Variants in ZC3H13 observed in about 807,000 individuals in gnomAD.
ZC3H13 encodes zinc finger CCCH-type containing 13, also known as zinc finger CCCH domain-containing protein 13.
Under a neutral mutation model 204.1 loss-of-function variants are expected in ZC3H13, and 64 were observed. The ratio of observed to expected loss-of-function variants is 0.31; its 90% CI spans 0.26 to 0.39. ZC3H13 has a LOEUF of 0.39. ZC3H13 is among the 10% of genes least tolerant of loss of function. The probability of loss-of-function intolerance (pLI) is 1.00; values close to 1 mark genes in which losing one functional copy is unlikely to be tolerated. For missense variants in ZC3H13, 1,833 were observed against 2,082.7 expected (o/e 0.88, Z 2.33); for synonymous variants, 667 against 693.7 (o/e 0.96, Z 0.60).
At chr13:45,994,176 A>G (rs916683653) in intron 8 of ZC3H13, among the ~76,000 whole-genome samples, 8 of 152,218 alleles carry the variant, frequency 5.3e-5, no homozygotes, top group African/African-American at 1.7e-4. Flanking sequence ...TTTTCTTAAC[A>G]TTTTCTTTTC....
chr13:46,046,842 A>G (rs955481981), intron 1 of ZC3H13, among the ~76,000 whole-genome samples: 4 of 152,190 alleles, frequency 2.6e-5, no homozygotes, highest in Admixed American at 2.6e-4. Flanking sequence ...TAAATTCTAG[A>G]CCAAGATACA....
At chr13:45,978,041 T>C (rs550499448) in intron 11 of ZC3H13, among the ~76,000 whole-genome samples, 3 of 152,258 alleles carry the variant, frequency 2.0e-5, no homozygotes, top group Admixed American at 6.5e-5. Context: ...CTGGTGTCTG[T>C]ACATGCTGCA....
At chr13:45,960,102 C>T (rs2137735099) in intron 17 of ZC3H13, among the ~76,000 whole-genome samples, 1 of 152,150 alleles carries the variant, frequency 6.6e-6, no homozygotes, top group African/African-American at 2.4e-5. Flanking sequence ...CAGGCGTACA[C>T]CACCACACCT....
intron 8 of ZC3H13, among the ~76,000 whole-genome samples, chr13:45,990,481 T>A (rs980589855): frequency 6.6e-6 from 1 of 152,184 alleles, no homozygotes. Context: ...GTCAGCTAAC[T>A]AGAACACTAC....
intron 17 of ZC3H13, among the ~76,000 whole-genome samples, chr13:45,961,180 T>C (rs1334657505): frequency 6.6e-6 from 1 of 152,140 alleles, no homozygotes; most frequent in Non-Finnish European, 1.5e-5. Context: ...CAACCAATGA[T>C]ATAGTCATAT....
chr13:46,030,667 G>A lies in ZC3H13; in HGVS notation c.340-10110C>T, dbSNP rs564161295. Among the ~76,000 whole-genome samples, 14 of 151,840 alleles carry A rather than the reference G, an allele frequency of 9.2e-5. No homozygotes were observed. The East Asian group carries it at 1.7e-3, about 19-fold the overall frequency. On this transcript the variant is annotated intron_variant, in intron 4 of 18. Transcript: ENST00000679008. ...AGTCAATCACTTTCCTATATACAACGGTAAGTGGAATTTAAAATTAAAACA... is the reference window on the plus strand; with the variant it reads ...AGTCAATCACTTTCCTATATACAACAGTAAGTGGAATTTAAAATTAAAACA...
In ZC3H13 at chr13:45,988,863, A is replaced by G; in HGVS notation, c.1179T>C (p.Ser393=). The change falls in exon 9 of 19, where the codon TCT becomes TCC. Residue 393 remains serine, a synonymous_variant. Coordinates refer to ENST00000679008, the MANE Select transcript of ZC3H13 (RefSeq NM_001330564.2). ...CATGTCTCCCTTTCTCTCGCATTGG[A>G]GAGCGATGTCTTGGAGGACTCTGCT... The part of the protein sequence containing the change: ...QRKQSPPRHR[S]PMREKGRHDH... The G allele has an allele frequency of 6.2e-7, 1 of 1,614,184 alleles. No individual in the cohort carries two copies. The highest frequency in any genetic ancestry group is 8.5e-7 in the Non-Finnish European group (1 of 1,180,024).
At chr13:45,986,631 CA>C (rs769219580) in intron 9 of ZC3H13, among the ~76,000 whole-genome samples, 6 of 152,094 alleles carry the variant, frequency 3.9e-5, no homozygotes, top group Non-Finnish European at 8.8e-5. Flanking sequence ...AGAAAGGGCA[CA>C]AATTGATTAT....
intron 10 of ZC3H13, among the ~76,000 whole-genome samples, chr13:45,981,705 T>C (rs1953628694): frequency 6.6e-6 from 1 of 152,204 alleles, no homozygotes; most frequent in South Asian, 2.1e-4. Context: ...CATCTCATTG[T>C]GGTTTTGATT....
chr13:45,974,245 T>C (rs993607198), intron 12 of ZC3H13, among the ~76,000 whole-genome samples: 1 of 152,198 alleles, frequency 6.6e-6, no homozygotes, highest in Admixed American at 6.5e-5. Flanking sequence ...ATGAACACTG[T>C]GATCAGCTTA....
intron 1 of ZC3H13, among the ~76,000 whole-genome samples, chr13:46,046,502 C>CAA (rs1289336036): frequency 0.47 from 58,891 of 125,410 alleles, 14,598 homozygotes; most frequent in African/African-American, 0.61. Flanking sequence ...ACTAAAAATA[C>CAA]AAAAAAAAAA....
chr13:46,028,793 T>C (rs1308961260), intron 4 of ZC3H13, among the ~76,000 whole-genome samples: 1 of 152,144 alleles, frequency 6.6e-6, no homozygotes. Flanking sequence ...ATTTGTTGGA[T>C]GCAGTAAACA....
At chr13:45,965,472 A>C (rs1391111989) in intron 15 of ZC3H13, 40 bp from the exon 16 acceptor site, 1 of 1,602,126 alleles carries the variant, frequency 6.2e-7, no homozygotes, top group African/African-American at 1.3e-5. Context: ...GACAACATTA[A>C]AGGGAGAGGA....
intron 2 of ZC3H13, 33 bp from the exon 3 acceptor site, chr13:46,045,097 A>G (rs763086895): frequency 1.1e-5 from 17 of 1,539,724 alleles, no homozygotes; most frequent in Non-Finnish European, 1.5e-5. Context: ...TAAATTTCAT[A>G]TTTATTTCTG....
At chr13:45,970,600 AC>A (rs1952505891) in intron 12 of ZC3H13, 135 bp from the exon 13 acceptor site, 11 of 640,884 alleles carry the variant, frequency 1.7e-5, no homozygotes, top group South Asian at 1.6e-4. Flanking sequence ...AGTGTATCAT[AC>A]AAAGGATATT....
At chr13:45,991,011 C>T (rs769790559) in intron 8 of ZC3H13, among the ~76,000 whole-genome samples, 43 of 152,058 alleles carry the variant, frequency 2.8e-4, no homozygotes, top group Admixed American at 4.6e-4. Context: ...CACTATACCC[C>T]GGTTGGTCTT....
chr13:46,020,642 T>C, intron 4 of ZC3H13, 85 bp from the exon 5 acceptor site: 1 of 840,568 alleles, frequency 1.2e-6, no homozygotes, highest in Non-Finnish European at 1.8e-6. Context: ...CATTTTAATT[T>C]CATTCATCTC....
At chr13:45,972,163 A>C (rs1338817418) in intron 12 of ZC3H13, among the ~76,000 whole-genome samples, 1 of 152,080 alleles carries the variant, frequency 6.6e-6, no homozygotes, top group Non-Finnish European at 1.5e-5. Flanking sequence ...CCCAAAGGAA[A>C]AGAAGTCATT....
intron 1 of ZC3H13, among the ~76,000 whole-genome samples, chr13:46,049,355 G>T (rs1413436447): frequency 6.6e-6 from 1 of 152,002 alleles, no homozygotes; most frequent in Non-Finnish European, 1.5e-5. Context: ...ATATATATGT[G>T]TGTGTGTAAA....
Sources: allele counts gnomAD v4.1 joint callset (sites outside exome capture counted in the v4.1 genomes callset), GRCh38; gene constraint gnomAD v4.1.1; transcripts MANE v1.5; gene names NCBI Gene and HGNC (gene_info 2026-07-23, HGNC 2026-07-21).